TXNRD2: variants seen among roughly 807,000 people sequenced by gnomAD.
TXNRD2 encodes the protein thioredoxin reductase 2, mitochondrial.
Under a neutral mutation model 70.8 loss-of-function variants are expected in TXNRD2, and 67 were observed. That is an observed-to-expected ratio of 0.95 (90% CI 0.78 to 1.16). The LOEUF (loss-of-function observed/expected upper bound fraction) is 1.16. Among genes scored for constraint, TXNRD2 ranks in the 50% most tolerant of loss-of-function variants. The pLI is 0.00. For missense variants in TXNRD2, 644 were observed against 719.9 expected, an observed-to-expected ratio of 0.89 and a Z score of 1.21; for synonymous variants, 301 against 295.8, an observed-to-expected ratio of 1.02 and a Z score of -0.18.
intron 1 of TXNRD2, among the ~76,000 whole-genome samples, chr22:19,934,116 C>T (rs927330116): frequency 2.0e-5 from 3 of 152,188 alleles, no homozygotes; most frequent in Non-Finnish European, 1.5e-5. Context: ...AGGGGCCCTC[C>T]TGTATGGCTG....
At position 19,935,212 on chromosome 22, in the gene TXNRD2, A is replaced by C. The variant is rs556627494; in HGVS notation, c.104-4114T>G. ...AGGAATATTACTATTAAGACCCTGG[A>C]AAAGGAATGCATTCCTGGGGGGAGG... On this transcript the variant is annotated intron_variant, in intron 1 of 17. Coordinates refer to ENST00000400521, the MANE Select transcript of TXNRD2 (RefSeq NM_006440.5). Among the ~76,000 whole-genome samples, 4 of 152,304 alleles carry C rather than the reference A, an allele frequency of 2.6e-5. No individual in the cohort carries two copies. In the South Asian group the frequency reaches 8.3e-4, roughly 32 times the overall value.
At position 19,877,121 on chromosome 22, in the gene TXNRD2, GT is replaced by G. The variant is rs1569067943; in HGVS notation, c.1558del (p.Thr520GlnfsTer92). On this transcript the variant is annotated frameshift_variant, in exon 17 of 18. Coordinates refer to ENST00000400521, the MANE Select transcript of TXNRD2 (RefSeq NM_006440.5). LOFTEE classifies it high-confidence loss of function. ...GGATGGCGCTTACCCTCAGCAGCCT[GT>G]CACCGTGGGGTCCAGGCCTGAGCGC... ...SKRSGLDPTVTGCUG is the reference protein window; with the variant it reads ...SKRSGLDPTVXGCUG 1 of 1,600,110 alleles carries G rather than the reference GT, an allele frequency of 6.2e-7. No homozygotes were observed. Among genetic ancestry groups the G allele is most frequent in the Non-Finnish European group, 8.6e-7 (1 of 1,169,400 alleles).
At chr22:19,906,264 G>C (rs986222948) in intron 8 of TXNRD2, among the ~76,000 whole-genome samples, 1 of 152,190 alleles carries the variant, frequency 6.6e-6, no homozygotes, top group South Asian at 2.1e-4. Context: ...TCAGGTAAAT[G>C]TGTGAAAAGA....
At chr22:19,915,033 G>A in intron 7 of TXNRD2, 181 bp downstream of exon 7, 1 of 649,432 alleles carries the variant, frequency 1.5e-6, no homozygotes, top group South Asian at 1.7e-5. Context: ...GGCCACTGGG[G>A]ACCCCACATT....
intron 8 of TXNRD2, among the ~76,000 whole-genome samples, chr22:19,905,879 C>T: frequency 6.7e-6 from 1 of 148,428 alleles, no homozygotes; most frequent in Non-Finnish European, 1.5e-5. Context: ...AAAGAAAATC[C>T]GACTTGTGGA....
At position 19,918,229 on chromosome 22, in the gene TXNRD2, C is replaced by T. The variant is rs1175565769; in HGVS notation, c.375-12G>A. On this transcript the variant is annotated splice_polypyrimidine_tract_variant and intron_variant, in intron 4 of 17. Coordinates refer to ENST00000400521, the MANE Select transcript of TXNRD2 (RefSeq NM_006440.5). ...CTGCCATCTTCCTCCTGTGAAGATA[C>T]GAAACAAAATGTAAAATCCACAACA... is the stretch of plus-strand genomic sequence containing the variant. The T allele has an allele frequency of 1.2e-5, 19 of 1,613,220 alleles. No individual in the cohort carries two copies. The highest frequency in any genetic ancestry group is 1.4e-5 in the Non-Finnish European group (16 of 1,179,342).
chr22:19,923,057 C>A (rs546640526), intron 2 of TXNRD2, among the ~76,000 whole-genome samples: 20 of 152,252 alleles, frequency 1.3e-4, no homozygotes, highest in Admixed American at 8.5e-4. Flanking sequence ...AACATCCTCA[C>A]CAAGTGTTCA....
chr22:19,932,386 T>C, intron 1 of TXNRD2: 15 of 1,612,656 alleles, frequency 9.3e-6, no homozygotes, highest in Non-Finnish European at 1.3e-5. Flanking sequence ...TCACTGCACA[T>C]AGTGCCACTC....
At chr22:19,888,133 A>C (rs966439414) in intron 11 of TXNRD2, among the ~76,000 whole-genome samples, 3 of 152,208 alleles carry the variant, frequency 2.0e-5, no homozygotes, top group African/African-American at 7.2e-5. Context: ...TGCAGCCCGG[A>C]GCTGCCTCCA....
At chr22:19,921,414 C>CAAAA (rs34252435) in intron 2 of TXNRD2, among the ~76,000 whole-genome samples, 1 of 75,376 alleles carries the variant, frequency 1.3e-5, no homozygotes, top group African/African-American at 4.8e-5. Context: ...GACCCTGTCT[C>CAAAA]AAAAAAAAAA....
At chr22:19,918,308 C>T in intron 4 of TXNRD2, 91 bp from the exon 5 acceptor site, 1 of 1,165,670 alleles carries the variant, frequency 8.6e-7, no homozygotes, top group South Asian at 1.3e-5. Flanking sequence ...ATGGTACATT[C>T]ATAGAAATAT....
In TXNRD2 at chr22:19,899,818, T is replaced by A. The variant is rs539758374; in HGVS notation, c.663-750A>T. Among the ~76,000 whole-genome samples the A allele has an allele frequency of 2.0e-5, 3 of 152,280 alleles. No individual in the cohort carries two copies. In the South Asian group the frequency reaches 6.2e-4, roughly 32 times the overall value. ...GCACATACTCGCATGGGTACATTCATTCATATATACATATGCACACACTCA... is the reference window on the plus strand; with the variant it reads ...GCACATACTCGCATGGGTACATTCAATCATATATACATATGCACACACTCA... On this transcript the variant is annotated intron_variant, in intron 8 of 17. Transcript: ENST00000400521.
intron 8 of TXNRD2, 104 bp downstream of exon 8, chr22:19,911,273 C>T (rs1569095231): frequency 5.2e-6 from 5 of 970,192 alleles, no homozygotes; most frequent in African/African-American, 1.6e-5. Context: ...TTGGGTAAAC[C>T]GGAAAGAAAG....
At chr22:19,907,271 G>A (rs573475566) in intron 8 of TXNRD2, among the ~76,000 whole-genome samples, 1 of 56,336 alleles carries the variant, frequency 1.8e-5, no homozygotes, top group South Asian at 7.4e-4. Flanking sequence ...GGGTAGCAGT[G>A]ACCGCTCTCA....
At chr22:19,889,802 A>G (rs555298516) in intron 11 of TXNRD2, among the ~76,000 whole-genome samples, 2 of 152,222 alleles carry the variant, frequency 1.3e-5, no homozygotes, top group African/African-American at 2.4e-5. Context: ...CATAATTGCA[A>G]TTGTAACAGG....
chr22:19,941,779 G>C lies in TXNRD2; in HGVS notation c.25C>G (p.Arg9Gly). 6.5e-7 allele frequency: 1 copy of C among 1,527,132 alleles called. No individual in the cohort carries two copies. The highest frequency in any genetic ancestry group is 8.7e-7 in the Non-Finnish European group (1 of 1,147,210). 94.6% of individuals were successfully genotyped at this position (1,527,132 alleles called of 1,614,324 possible). Residue 9 changes from arginine to glycine, a missense_variant, in exon 1 of 18, where the codon CGG becomes GGG. Arg to Gly is a moderately radical substitution (Grantham distance 125). Around this residue, in one of 3 missense-constraint regions of TXNRD2, gnomAD observed 71 missense variants for 53.6 expected, o/e 1.33. Coordinates refer to ENST00000400521, the MANE Select transcript of TXNRD2 (RefSeq NM_006440.5). ...CACCGGAAGCGCCCTCCTAATCCCC[G>C]CAGCGCCACCGCCATTGCCGCCATC... The part of the protein sequence containing the change: MAAMAVAL[R>G]GLGGRFRWRT...
intron 2 of TXNRD2, among the ~76,000 whole-genome samples, chr22:19,924,326 C>T (rs959285782): frequency 1.3e-5 from 2 of 152,150 alleles, no homozygotes; most frequent in African/African-American, 4.8e-5. Context: ...CCTTTATAGC[C>T]ACATAGCCAC....
At chr22:19,899,134 G>C in intron 8 of TXNRD2, 66 bp from the exon 9 acceptor site, 1 of 1,595,688 alleles carries the variant, frequency 6.3e-7, no homozygotes. Context: ...TGCAGTCAGA[G>C]CAGAACCCCG....
chr22:19,925,248 C>T lies in TXNRD2; in HGVS notation c.173-5649G>A, dbSNP rs957846309. ...GCAGTGAGCTGAGATCGCACCACTG[C>T]ACTCCAGCCTGGGCGACAGAGCAAG... On this transcript the variant is annotated intron_variant, in intron 2 of 17. Transcript: ENST00000400521. Among the ~76,000 whole-genome samples the T allele has an allele frequency of 2.6e-5, 4 of 151,904 alleles. No homozygotes were observed. The East Asian group carries it at 7.7e-4, about 29-fold the overall frequency.
Sources: gnomAD v4.1 joint callset for allele counts (sites outside exome capture counted in the v4.1 genomes callset) on GRCh38, gnomAD v4.1.1 for gene constraint, gnomAD v4.1.1 regional missense constraint, MANE v1.5 for transcripts, NCBI Gene and HGNC (gene_info 2026-07-23, HGNC 2026-07-21) for gene names.